PRKAG2: variants seen among roughly 807,000 people sequenced by gnomAD.
The protein encoded by PRKAG2 is 5'-AMP-activated protein kinase subunit gamma-2.
In PRKAG2, 26 loss-of-function variants were observed where a neutral mutation model predicts 69.6. The observed-to-expected ratio is 0.37, with a 90% CI of 0.27 to 0.52. PRKAG2 has a LOEUF of 0.52. Ranked by LOEUF, PRKAG2 falls within the 20% of genes least tolerant of loss-of-function variation. The probability of loss-of-function intolerance (pLI) is 0.90; values close to 1 mark genes in which losing one functional copy is unlikely to be tolerated. For missense variants in PRKAG2, 557 were observed against 740.0 expected, an observed-to-expected ratio of 0.75 and a Z score of 2.87; for synonymous variants, 293 against 285.0, an observed-to-expected ratio of 1.03 and a Z score of -0.28.
chr7:151,633,206 A>AAT (rs1825114503), intron 4 of PRKAG2: 1 of 152,202 alleles, frequency 6.6e-6, no homozygotes, highest in African/African-American at 2.4e-5. Context: ...TACTTGCGCC[A>AAT]ATCCCTAAGT....
At chr7:151,735,972 T>C (rs1394353020) in intron 3 of PRKAG2, 5 of 1,536,258 alleles carry the variant, frequency 3.3e-6, no homozygotes, top group Middle Eastern at 1.7e-4. Context: ...TTGTTGCTCC[T>C]GAGGCTCCCA....
At chr7:151,585,409 T>G (rs943105659) in intron 6 of PRKAG2, among the ~76,000 whole-genome samples, 8 of 151,978 alleles carry the variant, frequency 5.3e-5, no homozygotes, top group Non-Finnish European at 8.8e-5. Context: ...ATTGTCAGTT[T>G]TTTTGGTACC....
At chr7:151,721,559 A>C (rs1483200370) in intron 3 of PRKAG2, among the ~76,000 whole-genome samples, 4 of 152,040 alleles carry the variant, frequency 2.6e-5, no homozygotes, top group Non-Finnish European at 5.9e-5. Flanking sequence ...CCCCATGGTC[A>C]CCTAATGTCC....
chr7:151,804,431 G>C (rs1396483636), intron 1 of PRKAG2, among the ~76,000 whole-genome samples: 2 of 152,094 alleles, frequency 1.3e-5, no homozygotes, highest in Admixed American at 6.6e-5. Context: ...AACAGATCTC[G>C]TGAGAACTCA....
At chr7:151,654,461 A>G (rs540401670) in intron 4 of PRKAG2, among the ~76,000 whole-genome samples, 1 of 152,302 alleles carries the variant, frequency 6.6e-6, no homozygotes, top group South Asian at 2.1e-4. Context: ...CACTGTCCAT[A>G]TAGTTATGAA....
intron 1 of PRKAG2, among the ~76,000 whole-genome samples, chr7:151,811,063 G>A (rs1467017257): frequency 2.0e-5 from 3 of 152,156 alleles, no homozygotes; most frequent in Non-Finnish European, 2.9e-5. Context: ...GGGATTGGAA[G>A]AACAAAGGAA....
intron 3 of PRKAG2, among the ~76,000 whole-genome samples, chr7:151,676,728 T>A (rs1833004054): frequency 6.6e-6 from 1 of 152,196 alleles, no homozygotes; most frequent in Non-Finnish European, 1.5e-5. Flanking sequence ...GGATGTGACC[T>A]GTGAATGTGA....
At chr7:151,650,206 G>C (rs1828252795) in intron 4 of PRKAG2, among the ~76,000 whole-genome samples, 1 of 151,736 alleles carries the variant, frequency 6.6e-6, no homozygotes, top group Non-Finnish European at 1.5e-5. Context: ...CAGAGTGAGA[G>C]AGCCTGTCTC....
chr7:151,740,221 A>G (rs1320359517), intron 3 of PRKAG2, among the ~76,000 whole-genome samples: 2 of 152,236 alleles, frequency 1.3e-5, no homozygotes, highest in African/African-American at 2.4e-5. Flanking sequence ...CAGTGGGCAC[A>G]GCAGACGCCC....
At chr7:151,786,566 T>C in intron 1 of PRKAG2, 25 bp from the exon 2 acceptor site, 5 of 1,600,236 alleles carry the variant, frequency 3.1e-6, no homozygotes, top group Non-Finnish European at 4.3e-6. Context: ...GAGCACGTGG[T>C]CAGTGACAGT....
chr7:151,742,763 G>A (rs1161281209), intron 3 of PRKAG2, among the ~76,000 whole-genome samples: 3 of 152,182 alleles, frequency 2.0e-5, no homozygotes, highest in South Asian at 2.1e-4. Flanking sequence ...GCACAAAGCC[G>A]GCTGCTTCCT....
Position 151,677,987 on chromosome 7 carries a change from T to C in PRKAG2, c.467-2350A>G, listed in dbSNP as rs1318925124. On this transcript the variant is annotated intron_variant, in intron 3 of 15. Transcript: ENST00000287878. ...ATCAGGTCCTAGAGCCACCAGTCAC[T>C]GTTTCTGGTCTGGACAAGGCTGCGT... Among the ~76,000 whole-genome samples the C allele has an allele frequency of 2.0e-5, 3 of 152,156 alleles. No individual in the cohort carries two copies. The East Asian group carries it at 5.8e-4, about 29-fold the overall frequency.
chr7:151,735,696 G>C (rs1441969244), intron 3 of PRKAG2, among the ~76,000 whole-genome samples: 5 of 152,222 alleles, frequency 3.3e-5, no homozygotes, highest in Non-Finnish European at 7.3e-5. Flanking sequence ...TTCAGAAAGA[G>C]TATTGTCAGG....
rs936523057 is a variant in PRKAG2, at chr7:151,777,148, C to A, written c.466+4004G>T. 1.8e-4 allele frequency among the ~76,000 whole-genome samples: 28 copies of A among 152,312 alleles called. No homozygotes were observed. Among genetic ancestry groups the A allele is most frequent in the African/African-American group, 6.7e-4 (28 of 41,566 alleles). On this transcript the variant is annotated intron_variant, in intron 3 of 15. Transcript: ENST00000287878. This position sits in a 1 kb window ranked among gnomAD's most constrained non-coding sequence, Gnocchi z 4.3. ...TGGGAGCTTCCTCCTGTGCAGACCA[C>A]AGGCCCCAATGGAAGGGGCCATGGC...
At position 151,755,861 on chromosome 7, in the gene PRKAG2, G is replaced by C. The variant is rs568032277; in HGVS notation, c.466+25291C>G. 7.2e-5 allele frequency among the ~76,000 whole-genome samples: 11 copies of C among 152,278 alleles called. No individual in the cohort carries two copies. In the South Asian group the frequency reaches 1.0e-3, roughly 14 times the overall value. ...TCACGAGCCTTCCCAGTTTCACCCCGGTGCCTAAAGCAACTCACTTTAGCA... is the reference window on the plus strand; with the variant it reads ...TCACGAGCCTTCCCAGTTTCACCCCCGTGCCTAAAGCAACTCACTTTAGCA... On this transcript the variant is annotated intron_variant, in intron 3 of 15. Coordinates refer to ENST00000287878, the MANE Select transcript of PRKAG2 (RefSeq NM_016203.4).
intron 1 of PRKAG2, among the ~76,000 whole-genome samples, chr7:151,819,262 G>C (rs1001291523): frequency 6.6e-6 from 1 of 152,230 alleles, no homozygotes; most frequent in Non-Finnish European, 1.5e-5. Context: ...CCTGCTCGGA[G>C]TGCATCTGCC....
In PRKAG2 at chr7:151,595,461, G is replaced by GA. The variant is rs1814255727; in HGVS notation, c.755-8dup. On this transcript the variant is annotated splice_polypyrimidine_tract_variant and splice_region_variant and intron_variant, in intron 5 of 15. Transcript: ENST00000287878. Reference sequence around the variant, plus strand: ...CTTTCTGAGTCTTCTACTGCTAAAAGAAAAAAAGGCAAAACATCAGTAATA... The same window carrying GA: ...CTTTCTGAGTCTTCTACTGCTAAAAGAAAAAAAAGGCAAAACATCAGTAATA... 2 of 1,593,930 alleles carry GA rather than the reference G, an allele frequency of 1.3e-6. No individual in the cohort carries two copies. Among genetic ancestry groups the GA allele is most frequent in the Non-Finnish European group, 1.7e-6 (2 of 1,162,360 alleles).
rs73481941 is a variant in PRKAG2, at chr7:151,661,176, C to G, written c.684+14244G>C. Among the ~76,000 whole-genome samples the G allele has an allele frequency of 5.6e-3, 850 of 152,202 alleles. 5 individuals are homozygous for G. Among genetic ancestry groups the G allele is most frequent in the African/African-American group, 0.02 (813 of 41,530 alleles). On this transcript the variant is annotated intron_variant, in intron 4 of 15. Coordinates refer to ENST00000287878, the MANE Select transcript of PRKAG2 (RefSeq NM_016203.4). ...GAACTAGCCATGGGCCTTTCACTGTCTTTTTTTGTTTTTGTTTTTGTTTTT... is the reference window on the plus strand; with the variant it reads ...GAACTAGCCATGGGCCTTTCACTGTGTTTTTTTGTTTTTGTTTTTGTTTTT...
At chr7:151,854,136 G>C (rs2079647368) in intron 1 of PRKAG2, among the ~76,000 whole-genome samples, 1 of 152,220 alleles carries the variant, frequency 6.6e-6, no homozygotes, top group South Asian at 2.1e-4. Flanking sequence ...ACGGGCCAGA[G>C]AGAAGAAGCC....
Sources: allele counts gnomAD v4.1 joint callset (sites outside exome capture counted in the v4.1 genomes callset), GRCh38; gene constraint gnomAD v4.1.1; non-coding constraint Gnocchi (gnomAD v3.1); transcripts MANE v1.5; gene names NCBI Gene and HGNC (gene_info 2026-07-23, HGNC 2026-07-21).